The following FABP12 variants were observed in gnomAD, a reference collection of about 807,000 sequenced individuals.
FABP12 encodes fatty acid binding protein 12.
FABP12 carries 19 observed loss-of-function variants against 13.7 expected under a neutral mutation model. That is an observed-to-expected ratio of 1.39 (90% CI 0.97 to 2.04). FABP12 has a LOEUF of 2.04. Ranked by LOEUF, FABP12 falls within the 30% of genes most tolerant of loss-of-function variation. The probability of loss-of-function intolerance (pLI) is 0.00; values close to 1 mark genes in which losing one functional copy is unlikely to be tolerated. For missense variants in FABP12, 182 were observed against 164.2 expected (o/e 1.11, Z -0.59); for synonymous variants, 61 against 57.0 (o/e 1.07, Z -0.32).
At chr8:81,536,797 C>T (rs78552107), upstream of FABP12, among the ~76,000 whole-genome samples, 7,400 of 152,252 alleles carry the variant, frequency 0.049, 229 homozygotes, top group East Asian at 0.16. Context: ...CCAGCTGCCA[C>T]GTGTAGATAA....
At chr8:81,554,506 C>T (rs1366190825) in intron 1 of FABP12, among the ~76,000 whole-genome samples, 1 of 152,150 alleles carries the variant, frequency 6.6e-6, no homozygotes, top group Non-Finnish European at 1.5e-5. Context: ...AACTGAAATT[C>T]AACCTTCTGT....
At chr8:81,531,471 G>T in intron 1 of FABP12, 81 bp from the exon 2 acceptor site, 1 of 565,932 alleles carries the variant, frequency 1.8e-6, no homozygotes, top group Non-Finnish European at 3.1e-6. Context: ...TCCTTGCAAT[G>T]TTCCTTGAGT....
In FABP12 at chr8:81,549,553, G is replaced by A. The variant is rs544067994; in HGVS notation, c.-184-9810C>T. 2.5e-4 allele frequency among the ~76,000 whole-genome samples: 38 copies of A among 152,270 alleles called. 1 individual carries two copies. The South Asian group carries it at 4.3e-3, about 17-fold the overall frequency. ...AAGAGAAGCAGCTACGTAGAAACAT[G>A]TAATTTATAGAGCAAGATTTAAAAG... is the stretch of plus-strand genomic sequence containing the variant. On this transcript the variant is annotated intron_variant, in intron 1 of 5. Coordinates refer to the FABP12 transcript ENST00000692030.
intron 1 of FABP12, among the ~76,000 whole-genome samples, chr8:81,547,006 T>G (rs1809446487): frequency 6.6e-6 from 1 of 152,208 alleles, no homozygotes; most frequent in African/African-American, 2.4e-5. Flanking sequence ...ACTTGTTCCT[T>G]TTATGTTTAT....
intron 1 of FABP12, among the ~76,000 whole-genome samples, chr8:81,584,970 C>G (rs759819860): frequency 6.6e-6 from 1 of 152,058 alleles, no homozygotes; most frequent in African/African-American, 2.4e-5. Context: ...CTAGTCAGAT[C>G]TTTTGGTTAT....
At chr8:81,570,460 G>A (rs2130070943) in intron 1 of FABP12, among the ~76,000 whole-genome samples, 1 of 152,326 alleles carries the variant, frequency 6.6e-6, no homozygotes, top group Non-Finnish European at 1.5e-5. Flanking sequence ...ACAGTTCAGA[G>A]AAGACCGCAG....
chr8:81,564,833 C>T (rs543410899), intron 1 of FABP12, among the ~76,000 whole-genome samples: 156 of 151,916 alleles, frequency 1.0e-3, no homozygotes, highest in African/African-American at 3.7e-3. Context: ...AGTCTTTACT[C>T]CTGAATAATA....
At chr8:81,578,823 G>GTTTCTTTTTTTTTTTTTTTTTTTTT (rs71268012) in intron 1 of FABP12, among the ~76,000 whole-genome samples, 1 of 105,658 alleles carries the variant, frequency 9.5e-6, no homozygotes, top group African/African-American at 4.1e-5. Flanking sequence ...ATTTGTTCAA[G>GTTTCTTTTTTTTTTTTTTTTTTTTT]TTTTTTTTTT....
At chr8:81,571,221 G>A (rs1160161772) in intron 1 of FABP12, among the ~76,000 whole-genome samples, 1 of 152,240 alleles carries the variant, frequency 6.6e-6, no homozygotes, top group Non-Finnish European at 1.5e-5. Flanking sequence ...AGAGAGGCCA[G>A]GCAGCCAGAG....
intron 1 of FABP12, among the ~76,000 whole-genome samples, chr8:81,565,481 G>A (rs1446193349): frequency 7.9e-5 from 12 of 151,898 alleles, no homozygotes; most frequent in Admixed American, 4.6e-4. Flanking sequence ...AAATTATATC[G>A]TGTATCTTCT....
At chr8:81,571,281 C>T (rs1479411840) in intron 1 of FABP12, among the ~76,000 whole-genome samples, 1 of 152,258 alleles carries the variant, frequency 6.6e-6, no homozygotes, top group East Asian at 1.9e-4. Flanking sequence ...CCCAGGCCCC[C>T]AGGAGTGCAG....
intron 1 of FABP12, among the ~76,000 whole-genome samples, chr8:81,570,641 G>A (rs1437528572): frequency 6.6e-6 from 1 of 152,068 alleles, no homozygotes; most frequent in Admixed American, 6.5e-5. Context: ...CAGAGAGGAG[G>A]CCCTAGAGTG....
In FABP12 at chr8:81,529,515, T is replaced by C. The variant is rs776142686; in HGVS notation, c.169A>G (p.Ile57Val). The C allele has an allele frequency of 1.9e-5, 31 of 1,613,878 alleles. No individual in the cohort carries two copies. In the East Asian group the frequency reaches 6.2e-4, roughly 32 times the overall value. The change falls in exon 3 of 5, where the codon ATC (isoleucine) becomes GTC (valine). Residue 57 changes from isoleucine (I) to valine (V), a missense_variant. Physicochemically the swap from Ile to Val is conservative, Grantham distance 29 (BLOSUM62 3). Transcript: ENST00000360464. ...AAGGAGATCTCATTATTTTTAAAGA[T>C]GCTTTTGGTTTTTATTGTGATGACA...
chr8:81,579,207 T>G (rs1810113806), intron 1 of FABP12, among the ~76,000 whole-genome samples: 1 of 152,110 alleles, frequency 6.6e-6, no homozygotes, highest in Non-Finnish European at 1.5e-5. Flanking sequence ...AACTTTTTTT[T>G]TTTGCAATCT....
At chr8:81,526,095 T>G (rs922343857) in intron 4 of FABP12, 1 of 152,220 alleles carries the variant, frequency 6.6e-6, no homozygotes, top group South Asian at 2.1e-4. Context: ...TCAATCATCC[T>G]TAGTCTTCCC....
chr8:81,553,306 G>T (rs1809552272), intron 1 of FABP12, among the ~76,000 whole-genome samples: 1 of 152,082 alleles, frequency 6.6e-6, no homozygotes, highest in African/African-American at 2.4e-5. Context: ...AAAATCCCTT[G>T]GTGTCTAAAA....
intron 1 of FABP12, among the ~76,000 whole-genome samples, chr8:81,578,465 A>C (rs889063281): frequency 2.0e-5 from 3 of 151,932 alleles, no homozygotes; most frequent in African/African-American, 7.2e-5. Flanking sequence ...CCTGAGACAA[A>C]AGAATTATTT....
At chr8:81,564,782 T>G (rs989829641) in intron 1 of FABP12, among the ~76,000 whole-genome samples, 25 of 151,562 alleles carry the variant, frequency 1.6e-4, no homozygotes, top group African/African-American at 5.8e-4. Context: ...AAGACAAAAC[T>G]GCAAAATAAC....
At chr8:81,546,497 CAA>C (rs544166796) in intron 1 of FABP12, among the ~76,000 whole-genome samples, 11 of 111,670 alleles carry the variant, frequency 9.9e-5, no homozygotes, top group Non-Finnish European at 7.8e-5. Flanking sequence ...ACTAAAAATA[CAA>C]AAAAAAAAAA....
Sources: allele counts gnomAD v4.1 joint callset (sites outside exome capture counted in the v4.1 genomes callset), GRCh38; gene constraint gnomAD v4.1.1; transcripts MANE v1.5; gene names NCBI Gene and HGNC (gene_info 2026-07-23, HGNC 2026-07-21).